RPH3A: variants seen among roughly 807,000 people sequenced by gnomAD.
RPH3A encodes the protein rabphilin-3A.
RPH3A carries 48 observed loss-of-function variants against 102.2 expected under a neutral mutation model. The ratio of observed to expected loss-of-function variants is 0.47; its 90% confidence interval spans 0.37 to 0.60. The LOEUF is 0.60. Ranked by LOEUF, RPH3A falls within the 20% of genes least tolerant of loss-of-function variation. The pLI is 0.00. For synonymous variants in RPH3A, 310 were observed against 324.3 expected (o/e 0.96, Z 0.47); for missense variants, 781 against 910.1 (o/e 0.86, Z 1.83).
intron 1 of RPH3A, among the ~76,000 whole-genome samples, chr12:112,619,886 T>C (rs895310348): frequency 2.6e-5 from 4 of 152,340 alleles, no homozygotes; most frequent in Non-Finnish European, 4.4e-5. Context: ...CAATTCCCTT[T>C]CTGAATTAGT....
chr12:112,813,354 C>T (rs1009275689), intron 2 of RPH3A: 1 of 152,188 alleles, frequency 6.6e-6, no homozygotes, highest in Non-Finnish European at 1.5e-5. Context: ...AGATTGTGGT[C>T]CATTCATGTT....
chr12:112,678,278 A>C (rs1225610310), intron 1 of RPH3A, among the ~76,000 whole-genome samples: 1 of 82,352 alleles, frequency 1.2e-5, no homozygotes, highest in Non-Finnish European at 2.4e-5. Flanking sequence ...AGAAAGAAAG[A>C]AAGAAAGAAA....
chr12:112,874,968 G>A, intron 10 of RPH3A, 116 bp from the exon 11 acceptor site: 1 of 725,302 alleles, frequency 1.4e-6, no homozygotes, highest in Non-Finnish European at 2.2e-6. Context: ...GTGAGGAGCT[G>A]CCTCCAGTGA....
In RPH3A at chr12:112,872,121, G is replaced by A. The variant is rs150470515; in HGVS notation, c.796+2082G>A. Among the ~76,000 whole-genome samples, 186 of 152,216 alleles carry A rather than the reference G, an allele frequency of 1.2e-3. 2 individuals are homozygous for A. Among genetic ancestry groups the A allele is most frequent in the Admixed American group, 9.9e-3 (151 of 15,292 alleles). On this transcript the variant is annotated intron_variant, in intron 10 of 21. Transcript: ENST00000389385. The stretch of plus-strand genomic sequence containing the variant: ...TAATTTTTTGAGGAACCACCATTCC[G>A]TTTTCCATGGTGGCTGAGACATTTT...
At chr12:112,682,354 TC>T (rs376619363) in intron 1 of RPH3A, among the ~76,000 whole-genome samples, 30,018 of 98,818 alleles carry the variant, frequency 0.3, 3,191 homozygotes, top group East Asian at 0.39. Flanking sequence ...TTTCTTTCTT[TC>T]TTTTTTTTTT....
intron 1 of RPH3A, among the ~76,000 whole-genome samples, chr12:112,673,880 A>G (rs928685723): frequency 6.6e-5 from 10 of 151,960 alleles, no homozygotes; most frequent in African/African-American, 2.4e-4. Context: ...TCTATTCTCT[A>G]TCTCCATGAG....
In RPH3A at chr12:112,871,027, C is replaced by T. The variant is rs145369595; in HGVS notation, c.796+988C>T. On this transcript the variant is annotated intron_variant, in intron 10 of 21. Transcript: ENST00000389385. ...TTTACAGAATGGAGAAACTGAGCCT[C>T]AGAGAGGCGATGCTACTTGCCTTAG... Among the ~76,000 whole-genome samples, 334 of 152,316 alleles carry T rather than the reference C, an allele frequency of 2.2e-3. 1 individual carries two copies. Among genetic ancestry groups the T allele is most frequent in the African/African-American group, 7.1e-3 (296 of 41,576 alleles).
chr12:112,723,618 G>C (rs1415023564), intron 1 of RPH3A, among the ~76,000 whole-genome samples: 2 of 152,162 alleles, frequency 1.3e-5, no homozygotes. Context: ...AAGGTTTATG[G>C]TATTGCACCA....
intron 2 of RPH3A, among the ~76,000 whole-genome samples, chr12:112,819,708 G>A (rs1453143443): frequency 2.0e-5 from 3 of 152,264 alleles, no homozygotes; most frequent in Non-Finnish European, 4.4e-5. Flanking sequence ...TTGTTCGTGT[G>A]TCTGTGGTCA....
intron 2 of RPH3A, among the ~76,000 whole-genome samples, chr12:112,810,957 G>A (rs562404715): frequency 8.3e-5 from 11 of 132,466 alleles, no homozygotes; most frequent in African/African-American, 2.8e-4. Context: ...TATTTTTTGT[G>A]TGTACATATA....
chr12:112,725,250 GAAAAAAAAAAAA>G lies in RPH3A; in HGVS notation c.-139-66875_-139-66864del, dbSNP rs35952537. ...GGTGACAGAGCAAGACTTTGTCTCA[GAAAAAAAAAAAA>G]AAAAAAAAAAAAAAAAACACGTTTT... On this transcript the variant is annotated intron_variant, in intron 1 of 21. Coordinates refer to the RPH3A transcript ENST00000543106. Among the ~76,000 whole-genome samples, 256 of 63,078 alleles carry G rather than the reference GAAAAAAAAAAAA, an allele frequency of 4.1e-3. 3 individuals are homozygous for G. Among genetic ancestry groups the G allele is most frequent in the African/African-American group, 0.013 (229 of 17,746 alleles). The allele number at this position is 63,078 out of a possible 152,430, so 41.4% of individuals were successfully genotyped here.
chr12:112,768,732 G>A (rs1324380035), intron 1 of RPH3A, among the ~76,000 whole-genome samples: 1 of 152,112 alleles, frequency 6.6e-6, no homozygotes. Context: ...GGGAAACTTA[G>A]CAAGGCCCCA....
intron 1 of RPH3A, among the ~76,000 whole-genome samples, chr12:112,670,767 T>C (rs111564953): frequency 1.3e-5 from 2 of 152,174 alleles, no homozygotes; most frequent in African/African-American, 2.4e-5. Flanking sequence ...TCAGTGACAG[T>C]TCTCAAGAGA....
chr12:112,664,838 A>G (rs1168074784), intron 1 of RPH3A, among the ~76,000 whole-genome samples: 1 of 149,504 alleles, frequency 6.7e-6, no homozygotes, highest in Admixed American at 6.8e-5. Flanking sequence ...CACGGCCTCT[A>G]TGTTTTTCTG....
rs555223912 is a variant in RPH3A at position 112,853,403 on chromosome 12, T to C, written c.230+5561T>C. 5.7e-4 allele frequency among the ~76,000 whole-genome samples: 87 copies of C among 152,356 alleles called. No homozygotes were observed. In the South Asian group the frequency reaches 7.9e-3, roughly 14 times the overall value. ...TTTTTCTCAAGAAACATAGATTTTA[T>C]CAAGTTTGGGGGGACTCTGAACCCT... On this transcript the variant is annotated intron_variant, in intron 5 of 21. Transcript: ENST00000389385.
At chr12:112,687,343 G>T (rs1344221090) in intron 1 of RPH3A, among the ~76,000 whole-genome samples, 1 of 152,080 alleles carries the variant, frequency 6.6e-6, no homozygotes, top group African/African-American at 2.4e-5. Flanking sequence ...CCTTAGTGTT[G>T]CCAAGATGAT....
intron 1 of RPH3A, among the ~76,000 whole-genome samples, chr12:112,716,389 A>G (rs73419290): frequency 0.018 from 2,728 of 152,322 alleles, 84 homozygotes; most frequent in African/African-American, 0.062. Flanking sequence ...ATGTTCAGTG[A>G]GCATCCATTT....
At chr12:112,867,250 A>T in intron 7 of RPH3A, among the ~76,000 whole-genome samples, 1 of 147,680 alleles carries the variant, frequency 6.8e-6, no homozygotes, top group Non-Finnish European at 1.5e-5. Context: ...GTTATTTCTC[A>T]CATCTTCACA....
At chr12:112,860,897 G>A (rs544669743) in intron 5 of RPH3A, among the ~76,000 whole-genome samples, 1 of 152,134 alleles carries the variant, frequency 6.6e-6, no homozygotes, top group Non-Finnish European at 1.5e-5. Flanking sequence ...GCCATCCCCC[G>A]CCTCCATGAG....
Sources: allele counts gnomAD v4.1 joint callset (sites outside exome capture counted in the v4.1 genomes callset), GRCh38; gene constraint gnomAD v4.1.1; transcripts MANE v1.5; gene names NCBI Gene and HGNC (gene_info 2026-07-23, HGNC 2026-07-21).